The following HMMR variants were observed in gnomAD, a reference collection of about 807,000 sequenced individuals.
HMMR encodes the protein hyaluronan mediated motility receptor.
A neutral mutation model predicts 101.0 loss-of-function variants in HMMR; 108 were observed. That is an observed-to-expected ratio of 1.07 (90% confidence interval 0.92 to 1.25). The LOEUF (loss-of-function observed/expected upper bound fraction) is 1.25. Among genes scored for constraint, HMMR ranks in the 50% most tolerant of loss-of-function variants. HMMR has a pLI of 0.00. For missense variants in HMMR, 813 were observed against 788.7 expected, an observed-to-expected ratio of 1.03 and a Z score of -0.37; for synonymous variants, 296 against 276.4, an observed-to-expected ratio of 1.07 and a Z score of -0.70.
At chr5:163,490,999 A>T in intron 17 of HMMR, 113 bp from the exon 18 acceptor site, 1 of 540,764 alleles carries the variant, frequency 1.8e-6, no homozygotes, top group South Asian at 3.3e-5. Flanking sequence ...ATCTTACAGA[A>T]TATATTGCTT....
At chr5:163,480,899 T>C (rs1436258357) in intron 12 of HMMR, among the ~76,000 whole-genome samples, 1 of 152,166 alleles carries the variant, frequency 6.6e-6, no homozygotes, top group Non-Finnish European at 1.5e-5. Context: ...ATTTTCTTTT[T>C]GGTTTCTTCT....
chr5:163,461,831 G>T (rs1029958118), intron 1 of HMMR, among the ~76,000 whole-genome samples: 1 of 151,982 alleles, frequency 6.6e-6, no homozygotes, highest in Non-Finnish European at 1.5e-5. Context: ...ACTAGATCTT[G>T]TTTATTCCTT....
intron 12 of HMMR, among the ~76,000 whole-genome samples, chr5:163,480,428 G>A (rs2113497847): frequency 6.6e-6 from 1 of 152,228 alleles, no homozygotes; most frequent in South Asian, 2.1e-4. Flanking sequence ...ACTGCTATGA[G>A]TATTTTATTG....
At chr5:163,477,696 G>T (rs976051403) in intron 11 of HMMR, among the ~76,000 whole-genome samples, 4 of 152,074 alleles carry the variant, frequency 2.6e-5, no homozygotes, top group Non-Finnish European at 4.4e-5. Context: ...TTAGCTAGCT[G>T]GTTGATTCTG....
intron 6 of HMMR, 31 bp from the exon 7 acceptor site, chr5:163,471,332 A>G (rs1165592354): frequency 6.2e-7 from 1 of 1,609,220 alleles, no homozygotes; most frequent in Non-Finnish European, 8.5e-7. Flanking sequence ...CAACTTTCTC[A>G]TTTCCTAAAA....
intron 10 of HMMR, chr5:163,474,513 ACTGT>A (rs1397371207): frequency 2.1e-6 from 1 of 468,212 alleles, no homozygotes; most frequent in East Asian, 6.4e-5. Context: ...CTTGTAAAAG[ACTGT>A]CTAATTACAG....
At chr5:163,489,541 G>C (rs1424953941) in intron 16 of HMMR, among the ~76,000 whole-genome samples, 1 of 152,136 alleles carries the variant, frequency 6.6e-6, no homozygotes, top group Non-Finnish European at 1.5e-5. Context: ...CCTAGGAGCT[G>C]AGTTTTCAGT....
chr5:163,483,580 A>G (rs299309), intron 15 of HMMR, among the ~76,000 whole-genome samples: 36,711 of 151,996 alleles, frequency 0.24, 4,619 homozygotes, highest in African/African-American at 0.27. Flanking sequence ...AATTTAATTG[A>G]CATAATTTTT....
chr5:163,461,634 A>T (rs1413458600), intron 1 of HMMR, among the ~76,000 whole-genome samples: 2 of 151,978 alleles, frequency 1.3e-5, no homozygotes, highest in Admixed American at 6.5e-5. Context: ...TACAAAAAAA[A>T]TTAGCCAGGC....
At chr5:163,478,885 C>A in intron 12 of HMMR, 85 bp downstream of exon 12, 1 of 765,200 alleles carries the variant, frequency 1.3e-6, no homozygotes, top group Non-Finnish European at 2.4e-6. Flanking sequence ...GCAAAGCAGT[C>A]ACACAAAGGA....
At chr5:163,473,150 T>C (rs777266223) in intron 7 of HMMR, 29 bp from the exon 8 acceptor site, 13 of 1,117,132 alleles carry the variant, frequency 1.2e-5, no homozygotes, top group Admixed American at 1.8e-5. Context: ...GAAACTAGAA[T>C]GTATTAACAT....
chr5:163,471,168 G>T lies in HMMR; in HGVS notation c.463-17G>T. The T allele has an allele frequency of 1.4e-6, 2 of 1,459,680 alleles. No homozygotes were observed. Among genetic ancestry groups the T allele is most frequent in the South Asian group, 1.2e-5 (1 of 86,408 alleles). The allele number at this position is 1,459,680 out of a possible 1,614,324, so 90.4% of individuals were successfully genotyped here. The stretch of plus-strand genomic sequence containing the variant: ...CAGAAAATATTTCTGAATTTTTTAC[G>T]TGTTTGTTGTATTTAGTTTTCTGAA... On this transcript the variant is annotated splice_polypyrimidine_tract_variant and intron_variant, in intron 5 of 17. Coordinates refer to ENST00000393915, the MANE Select transcript of HMMR (RefSeq NM_001142556.2).
At chr5:163,474,922 T>A (rs1295412208) in intron 10 of HMMR, among the ~76,000 whole-genome samples, 4 of 152,088 alleles carry the variant, frequency 2.6e-5, no homozygotes, top group African/African-American at 9.6e-5. Flanking sequence ...CCCAAATGTA[T>A]ATGTATATAT....
chr5:163,490,737 A>G (rs79634372), intron 17 of HMMR, among the ~76,000 whole-genome samples, 185 bp downstream of exon 17: 5,110 of 152,218 alleles, frequency 0.034, 254 homozygotes, highest in African/African-American at 0.11. Flanking sequence ...TTTTCTGTAT[A>G]CCTGGATTCT....
In HMMR at chr5:163,469,723, G is replaced by A. The variant is rs1407106595; in HGVS notation, c.356G>A (p.Arg119Lys). ...LETELEKMEA[R>K]LNAALREKTS... ...ACTGAGTTGGAAAAGATGGAAGCAA[G>A]GCTAAATGCTGCACTAAGGGAAAAA... Residue 119 changes from arginine (R) to lysine (K), a missense_variant, in exon 5 of 18, where the codon AGG (arginine) becomes AAG (lysine). Arg to Lys is a conservative substitution (Grantham distance 26, BLOSUM62 2). Coordinates refer to ENST00000393915, the MANE Select transcript of HMMR (RefSeq NM_001142556.2). 1.2e-6 allele frequency: 2 copies of A among 1,613,634 alleles called. No homozygotes were observed. The highest frequency in any genetic ancestry group is 1.7e-6 in the Non-Finnish European group (2 of 1,179,600).
intron 11 of HMMR, among the ~76,000 whole-genome samples, chr5:163,477,317 G>A (rs1248096159): frequency 2.6e-5 from 4 of 151,968 alleles, no homozygotes; most frequent in African/African-American, 7.3e-5. Flanking sequence ...TAAATCCTTG[G>A]GATCTGATCA....
At chr5:163,480,426 G>A (rs1304909924) in intron 12 of HMMR, among the ~76,000 whole-genome samples, 3 of 152,150 alleles carry the variant, frequency 2.0e-5, no homozygotes, top group African/African-American at 7.2e-5. Flanking sequence ...TCACTGCTAT[G>A]AGTATTTTAT....
In HMMR at chr5:163,484,263, T is replaced by C. The variant is rs527492914; in HGVS notation, c.1962+18T>C. On this transcript the variant is annotated intron_variant, in intron 16 of 17. Transcript: ENST00000393915. ...TCAAATCGGTTTGTAAAATGACTTT[T>C]CATTTTATTAAAGATATTGGAGTGG... The C allele has an allele frequency of 1.0e-5, 15 of 1,439,076 alleles. No individual in the cohort carries two copies. In the African/African-American group the frequency reaches 2.0e-4, roughly 19 times the overall value. The allele number at this position is 1,439,076 out of a possible 1,614,324, so 89.1% of individuals were successfully genotyped here. A position where few individuals can be genotyped will look rare whatever the true frequency, so the allele number is the denominator to read the frequency against.
At chr5:163,480,448 A>C (rs2113497925) in intron 12 of HMMR, among the ~76,000 whole-genome samples, 1 of 152,304 alleles carries the variant, frequency 6.6e-6, no homozygotes, top group Admixed American at 6.5e-5. Context: ...GTATGAATAT[A>C]CCACAACTTA....
Sources: allele counts gnomAD v4.1 joint callset (sites outside exome capture counted in the v4.1 genomes callset), GRCh38; gene constraint gnomAD v4.1.1; transcripts MANE v1.5; gene names NCBI Gene and HGNC (gene_info 2026-07-23, HGNC 2026-07-21).